Variants in GRM7 observed in about 807,000 individuals in gnomAD.
GRM7 encodes metabotropic glutamate receptor 7.
Under a neutral mutation model 84.5 loss-of-function variants are expected in GRM7, and 35 were observed. The ratio of observed to expected loss-of-function variants is 0.41; its 90% CI spans 0.32 to 0.55. The LOEUF (loss-of-function observed/expected upper bound fraction) is 0.55, where lower values mean the gene tolerates loss of function less well. Among genes scored for constraint, GRM7 ranks in the 20% least tolerant of loss-of-function variants. GRM7 has a pLI of 0.19. For missense variants in GRM7, 1,003 were observed against 1,194.6 expected, an observed-to-expected ratio of 0.84 and a Z score of 2.36; for synonymous variants, 487 against 455.1, an observed-to-expected ratio of 1.07 and a Z score of -0.89.
chr3:7,180,501 C>T (rs1310147605), intron 2 of GRM7, among the ~76,000 whole-genome samples: 1 of 152,134 alleles, frequency 6.6e-6, no homozygotes, highest in Non-Finnish European at 1.5e-5. Flanking sequence ...TATCCCCCGG[C>T]AACTGCAGCA....
intron 7 of GRM7, among the ~76,000 whole-genome samples, chr3:7,572,372 G>T (rs571868158): frequency 2.6e-5 from 4 of 152,262 alleles, no homozygotes; most frequent in Admixed American, 6.5e-5. Flanking sequence ...TAATTCAAAT[G>T]TGCAAACAAA....
At chr3:6,952,728 T>C (rs1181860798) in intron 1 of GRM7, among the ~76,000 whole-genome samples, 2 of 152,190 alleles carry the variant, frequency 1.3e-5, no homozygotes, top group African/African-American at 4.8e-5. Context: ...TTTTGTTTTG[T>C]TTTTGAGCGT....
At chr3:7,098,582 A>G (rs553822731) in intron 1 of GRM7, among the ~76,000 whole-genome samples, 1 of 152,170 alleles carries the variant, frequency 6.6e-6, no homozygotes, top group East Asian at 1.9e-4. Flanking sequence ...TAATGAAGAC[A>G]TTATTTAAAA....
At chr3:6,990,175 C>G (rs1047070571) in intron 1 of GRM7, among the ~76,000 whole-genome samples, 6 of 152,174 alleles carry the variant, frequency 3.9e-5, no homozygotes, top group Admixed American at 2.0e-4. Flanking sequence ...TCTTGAATTA[C>G]ATGAAAATGG....
At chr3:7,663,049 A>G (rs1699533355) in intron 8 of GRM7, among the ~76,000 whole-genome samples, 1 of 152,210 alleles carries the variant, frequency 6.6e-6, no homozygotes, top group African/African-American at 2.4e-5. Flanking sequence ...AATAAATTAC[A>G]TTTAGAATAG....
intron 1 of GRM7, among the ~76,000 whole-genome samples, chr3:7,051,991 G>A (rs1212601160): frequency 2.0e-5 from 3 of 151,566 alleles, no homozygotes; most frequent in Non-Finnish European, 3.0e-5. Context: ...ATAAGATGAT[G>A]CCCTTCTTCA....
intron 1 of GRM7, among the ~76,000 whole-genome samples, chr3:7,059,568 A>G (rs914562427): frequency 1.4e-4 from 22 of 151,810 alleles, no homozygotes; most frequent in African/African-American, 5.1e-4. Flanking sequence ...AAATCTTTCT[A>G]AAATCATTTT....
At chr3:6,901,096 A>T (rs1457410254) in intron 1 of GRM7, among the ~76,000 whole-genome samples, 2 of 152,328 alleles carry the variant, frequency 1.3e-5, no homozygotes, top group East Asian at 1.9e-4. Context: ...TGTATATTAC[A>T]TTTACATTTG....
At chr3:7,059,146 A>T (rs1697336432) in intron 1 of GRM7, among the ~76,000 whole-genome samples, 1 of 151,720 alleles carries the variant, frequency 6.6e-6, no homozygotes, top group Admixed American at 6.6e-5. Flanking sequence ...TTTGAAGAGG[A>T]TCCCCTACTT....
chr3:7,356,621 T>A (rs575048203), intron 4 of GRM7, among the ~76,000 whole-genome samples: 1 of 152,198 alleles, frequency 6.6e-6, no homozygotes, highest in South Asian at 2.1e-4. Flanking sequence ...AAGATTTTAA[T>A]AATCAAGTAG....
At chr3:7,222,607 C>T (rs950915495) in intron 2 of GRM7, among the ~76,000 whole-genome samples, 2 of 152,156 alleles carry the variant, frequency 1.3e-5, no homozygotes, top group African/African-American at 4.8e-5. Flanking sequence ...AATCCCTCAG[C>T]AGAGAAACTA....
intron 2 of GRM7, among the ~76,000 whole-genome samples, chr3:7,182,882 C>T (rs955603018): frequency 4.3e-5 from 6 of 141,102 alleles, no homozygotes; most frequent in Non-Finnish European, 6.1e-5. Context: ...AGGTTTTAGG[C>T]GTAACGTGAA....
At chr3:7,702,351 G>A (rs148515972) in intron 9 of GRM7, among the ~76,000 whole-genome samples, 1,762 of 152,268 alleles carry the variant, frequency 0.012, 16 homozygotes, top group Middle Eastern at 0.031. Context: ...CTGGTCTTTG[G>A]AGCACAGTCT....
chr3:7,635,351 T>G (rs1181311375), intron 8 of GRM7, among the ~76,000 whole-genome samples: 1 of 152,224 alleles, frequency 6.6e-6, no homozygotes, highest in Admixed American at 6.5e-5. Context: ...ACACTTAGGC[T>G]GAAGGCAAGT....
chr3:7,451,092 G>A (rs712792), intron 5 of GRM7, among the ~76,000 whole-genome samples: 50,390 of 152,054 alleles, frequency 0.33, 9,045 homozygotes, highest in East Asian at 0.61. Context: ...CAAATGTGCC[G>A]TAGGAAACAA....
intron 1 of GRM7, among the ~76,000 whole-genome samples, chr3:6,953,923 A>G (rs1443170403): frequency 1.3e-5 from 2 of 152,052 alleles, no homozygotes; most frequent in Admixed American, 6.5e-5. Context: ...AGGCACATAT[A>G]GAAAGCAATT....
At chr3:7,226,390 C>G (rs9868216) in intron 2 of GRM7, among the ~76,000 whole-genome samples, 60,741 of 151,934 alleles carry the variant, frequency 0.4, 12,257 homozygotes, top group Middle Eastern at 0.51. Flanking sequence ...TGGCTTTTTA[C>G]CGCATGTTGA....
chr3:7,426,387 ATC>A (rs1305819302), intron 5 of GRM7, among the ~76,000 whole-genome samples: 2 of 152,152 alleles, frequency 1.3e-5, no homozygotes, highest in African/African-American at 4.8e-5. Flanking sequence ...GCAAGGCCCT[ATC>A]TCATACTCCT....
At chr3:7,588,048 G>C (rs1338147932) in intron 8 of GRM7, among the ~76,000 whole-genome samples, 1 of 152,134 alleles carries the variant, frequency 6.6e-6, no homozygotes, top group Non-Finnish European at 1.5e-5. Flanking sequence ...TAAAGCATGA[G>C]ACATTGGAAT....
Sources: allele counts gnomAD v4.1 joint callset (sites outside exome capture counted in the v4.1 genomes callset), GRCh38; gene constraint gnomAD v4.1.1; transcripts MANE v1.5; gene names NCBI Gene and HGNC (gene_info 2026-07-23, HGNC 2026-07-21).